CACHD1: variants seen among roughly 807,000 people sequenced by gnomAD.
The protein encoded by CACHD1 is cache domain containing 1, also known as VWFA and cache domain-containing protein 1.
Under a neutral mutation model 138.7 loss-of-function variants are expected in CACHD1, and 71 were observed. That is an observed-to-expected ratio of 0.51 (90% CI 0.42 to 0.62). The LOEUF is 0.62. Among genes scored for constraint, CACHD1 ranks in the 20% least tolerant of loss-of-function variants. The pLI, the probability that CACHD1 is intolerant of heterozygous loss-of-function variation, is 0.00. For missense variants in CACHD1, 1,389 were observed against 1,625.3 expected, an observed-to-expected ratio of 0.85 and a Z score of 2.50; for synonymous variants, 578 against 591.5, an observed-to-expected ratio of 0.98 and a Z score of 0.33.
chr1:64,652,414 G>C (rs1261257980), intron 10 of CACHD1, 104 bp downstream of exon 10: 5 of 1,053,600 alleles, frequency 4.7e-6, no homozygotes, highest in Non-Finnish European at 6.7e-6. Context: ...GTGTAAAGAA[G>C]AGCATTGTGA....
At chr1:64,476,470 C>A (rs1245638884) in intron 1 of CACHD1, among the ~76,000 whole-genome samples, 1 of 152,164 alleles carries the variant, frequency 6.6e-6, no homozygotes, top group African/African-American at 2.4e-5. Flanking sequence ...AGAATATTTT[C>A]GAAGGAAAAA....
intron 4 of CACHD1, among the ~76,000 whole-genome samples, chr1:64,614,781 CCTTT>C (rs1466940917): frequency 6.6e-6 from 1 of 152,112 alleles, no homozygotes; most frequent in African/African-American, 2.4e-5. Flanking sequence ...TCTTGAATCC[CCTTT>C]CTTTTTCCCC....
chr1:64,658,774 A>T lies in CACHD1; in HGVS notation c.1852A>T (p.Asn618Tyr), dbSNP rs758579007. ...AGAAATACCTGTGAAACAACTGAAG[A>T]ACCTCAACACTGTTCCCAGCAGCAA... ...QPEIPVKQLK[N>Y]LNTVPSSKLL... is the part of the protein sequence containing the mutation. The change falls in exon 13 of 27, where the codon AAC (asparagine) becomes TAC (tyrosine). Residue 618 changes from asparagine to tyrosine, a missense_variant. This residue lies in a region of CACHD1 where 1,000 missense variants were observed against 1,114.7 expected (regional missense o/e 0.90). Transcript: ENST00000651257. 2 of 1,610,186 alleles carry T rather than the reference A, an allele frequency of 1.2e-6. No individual in the cohort carries two copies. The highest frequency in any genetic ancestry group is 1.7e-6 in the Non-Finnish European group (2 of 1,177,802).
chr1:64,620,649 C>G (rs1451404758), intron 4 of CACHD1, among the ~76,000 whole-genome samples: 3 of 152,162 alleles, frequency 2.0e-5, no homozygotes, highest in South Asian at 2.1e-4. Context: ...GTATACTCAT[C>G]ATGATTTCCA....
At chr1:64,631,398 C>T (rs1054843278) in intron 5 of CACHD1, among the ~76,000 whole-genome samples, 1 of 152,102 alleles carries the variant, frequency 6.6e-6, no homozygotes, top group Non-Finnish European at 1.5e-5. Flanking sequence ...TCAATGGTAT[C>T]GACTCATGAA....
At chr1:64,650,916 A>T (rs2100678838) in intron 9 of CACHD1, among the ~76,000 whole-genome samples, 1 of 151,856 alleles carries the variant, frequency 6.6e-6, no homozygotes, top group African/African-American at 2.4e-5. Context: ...CCCGCCCCCA[A>T]CCCCAGCCAT....
chr1:64,480,677 T>A (rs1646203377), intron 1 of CACHD1, among the ~76,000 whole-genome samples: 1 of 152,042 alleles, frequency 6.6e-6, no homozygotes, highest in Admixed American at 6.5e-5. Flanking sequence ...TTTATTTTTT[T>A]ATTTTTTTTT....
intron 2 of CACHD1, among the ~76,000 whole-genome samples, chr1:64,578,143 TC>T (rs1646983839): frequency 6.6e-6 from 1 of 152,222 alleles, no homozygotes; most frequent in Admixed American, 6.5e-5. Context: ...CATTGCAGCT[TC>T]TTTTAGGTTT....
At chr1:64,507,535 T>C (rs996590699) in intron 1 of CACHD1, among the ~76,000 whole-genome samples, 1 of 152,166 alleles carries the variant, frequency 6.6e-6, no homozygotes, top group Non-Finnish European at 1.5e-5. Context: ...TAGGTAGAGG[T>C]GGAGCATGGG....
chr1:64,654,926 C>G, intron 12 of CACHD1, 123 bp downstream of exon 12: 1 of 695,318 alleles, frequency 1.4e-6, no homozygotes, highest in Admixed American at 2.2e-5. Context: ...TGTGACTAAT[C>G]AGTTTTTAAA....
chr1:64,652,772 G>C (rs543208516), intron 10 of CACHD1, among the ~76,000 whole-genome samples: 3 of 152,232 alleles, frequency 2.0e-5, no homozygotes, highest in South Asian at 2.1e-4. Context: ...CAGAGAAAAG[G>C]GTACACTTGA....
intron 3 of CACHD1, among the ~76,000 whole-genome samples, chr1:64,583,663 A>G (rs1318318629): frequency 1.3e-5 from 2 of 152,182 alleles, no homozygotes; most frequent in East Asian, 1.9e-4. Context: ...TGGGTAATTT[A>G]TAAAGGAAAA....
chr1:64,673,303 GCTC>G, intron 18 of CACHD1, 42 bp from the exon 19 acceptor site: 2 of 1,612,844 alleles, frequency 1.2e-6, no homozygotes, highest in Non-Finnish European at 1.7e-6. Context: ...ACCTCCTGCA[GCTC>G]ACTACATGGC....
chr1:64,687,055 G>A (rs760262504), intron 26 of CACHD1, among the ~76,000 whole-genome samples: 1 of 152,194 alleles, frequency 6.6e-6, no homozygotes, highest in African/African-American at 2.4e-5. Context: ...CTTTTTGATA[G>A]ATGCCTGACC....
chr1:64,668,527 G>A (rs1649714519), intron 16 of CACHD1, among the ~76,000 whole-genome samples: 1 of 151,956 alleles, frequency 6.6e-6, no homozygotes, highest in South Asian at 2.1e-4. Context: ...CAAAAAAAAA[G>A]AGAAAACTCC....
intron 4 of CACHD1, among the ~76,000 whole-genome samples, chr1:64,626,591 G>A (rs1648109867): frequency 6.6e-6 from 1 of 152,126 alleles, no homozygotes; most frequent in Non-Finnish European, 1.5e-5. Flanking sequence ...CTTGCTAATT[G>A]AGCACTCTCT....
In CACHD1 at chr1:64,654,582, G is replaced by T. The variant is rs184959149; in HGVS notation, c.1665-104G>T. 2.6e-4 allele frequency: 197 copies of T among 756,506 alleles called. 1 individual carries two copies. Among genetic ancestry groups the T allele is most frequent in the Middle Eastern group, 1.7e-3 (7 of 4,164 alleles). The allele number at this position is 756,506 out of a possible 1,614,324, so 46.9% of individuals were successfully genotyped here. On this transcript the variant is annotated intron_variant, in intron 11 of 26. Coordinates refer to ENST00000651257, the MANE Select transcript of CACHD1 (RefSeq NM_020925.4). ...AAACTGATGAGCTTCTTTGGTATTCGAAATCAGGAGGTGGCCATTGACTCA... is the reference window on the plus strand; with the variant it reads ...AAACTGATGAGCTTCTTTGGTATTCTAAATCAGGAGGTGGCCATTGACTCA...
At chr1:64,549,378 T>C (rs1258393286) in intron 1 of CACHD1, among the ~76,000 whole-genome samples, 2 of 152,182 alleles carry the variant, frequency 1.3e-5, no homozygotes, top group East Asian at 3.8e-4. Flanking sequence ...AGTAAACATC[T>C]GTTGAATGAA....
intron 2 of CACHD1, among the ~76,000 whole-genome samples, chr1:64,572,479 A>G (rs1259310141): frequency 6.6e-6 from 1 of 152,102 alleles, no homozygotes; most frequent in African/African-American, 2.4e-5. Context: ...TGAGCCCTTG[A>G]GTTGATAACC....
Sources: allele counts gnomAD v4.1 joint callset (sites outside exome capture counted in the v4.1 genomes callset), GRCh38; gene constraint gnomAD v4.1.1; regional missense constraint gnomAD v4.1.1; transcripts MANE v1.5; gene names NCBI Gene and HGNC (gene_info 2026-07-23, HGNC 2026-07-21).